The following PMF1 variants were observed in gnomAD, a reference collection of about 807,000 sequenced individuals.
PMF1 encodes the protein polyamine modulated factor 1.
A neutral mutation model predicts 26.7 loss-of-function variants in PMF1; 21 were observed. That is an observed-to-expected ratio of 0.79 (90% confidence interval 0.56 to 1.13). PMF1 has a LOEUF of 1.13. Among genes scored for constraint, PMF1 ranks in the 50% most tolerant of loss-of-function variants. The probability of loss-of-function intolerance (pLI) is 0.00; values close to 1 mark genes in which losing one functional copy is unlikely to be tolerated. For synonymous variants in PMF1, 105 were observed against 101.0 expected, an observed-to-expected ratio of 1.04 and a Z score of -0.24; for missense variants, 266 against 254.9, an observed-to-expected ratio of 1.04 and a Z score of -0.30.
intron 3 of PMF1, among the ~76,000 whole-genome samples, chr1:156,235,541 A>T (rs1287823938): frequency 7.4e-6 from 1 of 134,846 alleles, no homozygotes; most frequent in Non-Finnish European, 1.5e-5. Context: ...TCCTGGGTTC[A>T]CGCCATTCTC....
Position 156,236,544 on chromosome 1 carries a change from A to T in PMF1, c.564+61A>T, listed in dbSNP as rs1286121427. The T allele has an allele frequency of 1.4e-5, 22 of 1,522,410 alleles. No individual in the cohort carries two copies. In the East Asian group the frequency reaches 4.4e-4, roughly 31 times the overall value. 94.3% of individuals were successfully genotyped at this position (1,522,410 alleles called of 1,614,324 possible). On this transcript the variant is annotated intron_variant, in intron 4 of 4. Coordinates refer to ENST00000368277, the MANE Select transcript of PMF1 (RefSeq NM_007221.4). ...CTAATGGGCCCTCTGAGATCCGCAA[A>T]TTGGTGGCTTCCTCCATTCCAACAC...
At chr1:156,217,739 A>C (rs565616882) in intron 1 of PMF1, among the ~76,000 whole-genome samples, 80 of 152,270 alleles carry the variant, frequency 5.3e-4, no homozygotes, top group African/African-American at 1.4e-3. Context: ...AAAAAAAAAA[A>C]AAAACAAAAC....
intron 1 of PMF1, chr1:156,223,850 G>T (rs548598579): frequency 6.6e-6 from 1 of 152,288 alleles, no homozygotes; most frequent in South Asian, 2.1e-4. Flanking sequence ...TTTTCCCAAA[G>T]GTTGATCTGC....
chr1:156,226,179 A>T (rs944816099), intron 1 of PMF1, among the ~76,000 whole-genome samples: 23 of 151,766 alleles, frequency 1.5e-4, no homozygotes, highest in Middle Eastern at 3.4e-3. Flanking sequence ...TATTTTAAAA[A>T]TTTTTTTGTG....
chr1:156,218,957 GT>G (rs1657932828), intron 1 of PMF1, among the ~76,000 whole-genome samples: 1 of 149,510 alleles, frequency 6.7e-6, no homozygotes, highest in Non-Finnish European at 1.5e-5. Flanking sequence ...GTCTCGGTCT[GT>G]CCCCCAGGCT....
intron 3 of PMF1, among the ~76,000 whole-genome samples, chr1:156,234,497 T>G (rs561357223): frequency 6.6e-6 from 1 of 150,862 alleles, no homozygotes; most frequent in Non-Finnish European, 1.5e-5. Context: ...TACTATATGA[T>G]CGATATTGTT....
At chr1:156,230,096 G>A (rs1426958961) in intron 1 of PMF1, among the ~76,000 whole-genome samples, 1 of 152,178 alleles carries the variant, frequency 6.6e-6, no homozygotes, top group East Asian at 1.9e-4. Flanking sequence ...GAGAAAGGGA[G>A]GACCCAGCAG....
intron 1 of PMF1, among the ~76,000 whole-genome samples, chr1:156,228,255 G>GTTTTT (rs1558193692): frequency 3.9e-5 from 2 of 51,238 alleles, no homozygotes. Flanking sequence ...CGCACCTGGC[G>GTTTTT]ATTTTTTTTT....
At chr1:156,218,952 G>A (rs1009005929) in intron 1 of PMF1, among the ~76,000 whole-genome samples, 6 of 148,308 alleles carry the variant, frequency 4.0e-5, no homozygotes, top group Admixed American at 6.8e-5. Context: ...ACGGAGTCTC[G>A]GTCTGTCCCC....
At chr1:156,213,769 C>G (rs1274352645) in intron 1 of PMF1, among the ~76,000 whole-genome samples, 1 of 151,680 alleles carries the variant, frequency 6.6e-6, no homozygotes, top group Admixed American at 6.6e-5. Flanking sequence ...TGAGTAAATA[C>G]ACCTAAGGCG....
Position 156,239,755 on chromosome 1 carries a change from C to T in PMF1, c.*154C>T. On this transcript the variant is annotated 3_prime_UTR_variant, in exon 5 of 5. Transcript: ENST00000368277. ...TGCTGGAGGACTAGGCCAGAGCAAG[C>T]CTCACTGCCACTGTGCCTTTGGGGC... is the stretch of plus-strand genomic sequence containing the variant. The T allele has an allele frequency of 1.6e-6, 1 of 640,214 alleles. No individual in the cohort carries two copies. Among genetic ancestry groups the T allele is most frequent in the Admixed American group, 2.7e-5 (1 of 37,448 alleles). The allele number at this position is 640,214 out of a possible 1,614,324, so 39.7% of individuals were successfully genotyped here.
chr1:156,216,830 T>TGGCC (rs1418853218), intron 1 of PMF1, among the ~76,000 whole-genome samples: 2 of 151,718 alleles, frequency 1.3e-5, no homozygotes, highest in Non-Finnish European at 3.0e-5. Flanking sequence ...ATCGACTCGC[T>TGGCC]GGCCGGCCGG....
chr1:156,220,044 A>G (rs1657997356), intron 1 of PMF1, among the ~76,000 whole-genome samples: 1 of 150,372 alleles, frequency 6.7e-6, no homozygotes, highest in South Asian at 2.1e-4. Context: ...GCTCACTGCA[A>G]GCTCCACCTC....
chr1:156,223,929 C>A (rs904878232), intron 1 of PMF1: 1 of 152,188 alleles, frequency 6.6e-6, no homozygotes, highest in Non-Finnish European at 1.5e-5. Flanking sequence ...GGCCTGGTAC[C>A]TGGTCGGTGC....
At chr1:156,237,100 G>T (rs1379988913) in intron 4 of PMF1, 1 of 152,942 alleles carries the variant, frequency 6.5e-6, no homozygotes, top group Non-Finnish European at 1.5e-5. Flanking sequence ...TTTTGGTTTT[G>T]TTCTGAGATG....
intron 1 of PMF1, among the ~76,000 whole-genome samples, chr1:156,229,249 T>A (rs1658560494): frequency 6.6e-6 from 1 of 151,926 alleles, no homozygotes; most frequent in Non-Finnish European, 1.5e-5. Flanking sequence ...GCTTCCAAGG[T>A]GTACTCACAT....
Position 156,236,490 on chromosome 1 carries a change from G to A in PMF1, c.564+7G>A, listed in dbSNP as rs892077481. 2 of 1,598,382 alleles carry A rather than the reference G, an allele frequency of 1.3e-6. No individual in the cohort carries two copies. Among genetic ancestry groups the A allele is most frequent in the African/African-American group, 2.7e-5 (2 of 74,584 alleles). On this transcript the variant is annotated splice_region_variant and intron_variant, in intron 4 of 4. Transcript: ENST00000368277. ...CCAGCAGCAGGCCTGGCAGGTCAGTGTCCCAGCCTGCCTCTTCCTCTTCCT... is the reference window on the plus strand; with the variant it reads ...CCAGCAGCAGGCCTGGCAGGTCAGTATCCCAGCCTGCCTCTTCCTCTTCCT...
At chr1:156,214,036 C>G (rs1231959179) in intron 1 of PMF1, among the ~76,000 whole-genome samples, 2 of 152,150 alleles carry the variant, frequency 1.3e-5, no homozygotes, top group African/African-American at 2.4e-5. Context: ...CTCAGCCTCC[C>G]AAGTAGCTGG....
chr1:156,216,558 TG>T (rs1201192552), intron 1 of PMF1, among the ~76,000 whole-genome samples: 1 of 151,942 alleles, frequency 6.6e-6, no homozygotes, highest in Non-Finnish European at 1.5e-5. Context: ...AGCCGCCTGC[TG>T]GGGCCCGCGG....
Sources: gnomAD v4.1 joint callset for allele counts (sites outside exome capture counted in the v4.1 genomes callset) on GRCh38, gnomAD v4.1.1 for gene constraint, MANE v1.5 for transcripts, NCBI Gene and HGNC (gene_info 2026-07-23, HGNC 2026-07-21) for gene names.